EZR: variants seen among roughly 807,000 people sequenced by gnomAD.
EZR encodes ezrin.
In EZR, 40 loss-of-function variants were observed where a neutral mutation model predicts 74.8. The ratio of observed to expected loss-of-function variants is 0.53; its 90% CI spans 0.42 to 0.70. The LOEUF (loss-of-function observed/expected upper bound fraction) is 0.70, where lower values mean the gene tolerates loss of function less well. Among genes scored for constraint, EZR ranks in the 30% least tolerant of loss-of-function variants. The pLI, the probability that EZR is intolerant of heterozygous loss-of-function variation, is 0.00. For synonymous variants in EZR, 341 were observed against 283.3 expected (o/e 1.20, Z -2.05); for missense variants, 678 against 755.8 (o/e 0.90, Z 1.21).
chr6:158,773,063 T>C (rs1325818527), intron 8 of EZR, among the ~76,000 whole-genome samples: 1 of 152,172 alleles, frequency 6.6e-6, no homozygotes, highest in Non-Finnish European at 1.5e-5. Flanking sequence ...TCGGCATTTT[T>C]ATGACCCACC....
At chr6:158,780,752 T>A (rs1791413807) in intron 7 of EZR, among the ~76,000 whole-genome samples, 1 of 152,172 alleles carries the variant, frequency 6.6e-6, no homozygotes, top group Non-Finnish European at 1.5e-5. Flanking sequence ...AGTTTTTGTT[T>A]TTGGTCCGAG....
At position 158,766,861 on chromosome 6, in the gene EZR, G is replaced by T; in HGVS notation, c.*53C>A. ...AGCACTAAAGACACAAGCGTGGCGG[G>T]GCTGGCAGCGCCCGCTATGAGCACC... On this transcript the variant is annotated 3_prime_UTR_variant, in exon 14 of 14. Transcript: ENST00000367075. 1.3e-6 allele frequency: 2 copies of T among 1,549,374 alleles called. No individual in the cohort carries two copies. The highest frequency in any genetic ancestry group is 1.8e-6 in the Non-Finnish European group (2 of 1,130,946).
At chr6:158,814,408 A>T (rs940911805) in intron 2 of EZR, among the ~76,000 whole-genome samples, 7 of 148,386 alleles carry the variant, frequency 4.7e-5, no homozygotes, top group Non-Finnish European at 9.0e-5. Context: ...GCTCTTTCCC[A>T]GTCTGACAGC....
Position 158,787,217 on chromosome 6 carries a change from A to AGG in EZR, c.97-15_97-14insCC, listed in dbSNP as rs752986636. 6.2e-7 allele frequency: 1 copy of AGG among 1,607,232 alleles called. No individual in the cohort carries two copies. The highest frequency in any genetic ancestry group is 1.1e-5 in the South Asian group (1 of 90,930). ...AGTCTTTACCACCTGCGTGAGAGAGAGAGAGGCTCAACACTCATGAGAAAC... is the reference window on the plus strand; with the variant it reads ...AGTCTTTACCACCTGCGTGAGAGAGAGGGAGAGGCTCAACACTCATGAGAAAC... On this transcript the variant is annotated splice_polypyrimidine_tract_variant and intron_variant, in intron 3 of 13. Transcript: ENST00000367075.
chr6:158,815,680 T>C (rs1387781853), intron 2 of EZR, among the ~76,000 whole-genome samples: 1 of 152,172 alleles, frequency 6.6e-6, no homozygotes, highest in East Asian at 1.9e-4. Context: ...CAGGCAAGTC[T>C]CGAACTCCTG....
At chr6:158,779,541 G>A (rs1449320574) in intron 7 of EZR, among the ~76,000 whole-genome samples, 5 of 152,218 alleles carry the variant, frequency 3.3e-5, no homozygotes, top group African/African-American at 7.2e-5. Context: ...ACTATTTTTA[G>A]AATCTTTTTA....
At chr6:158,799,126 A>AC (rs1350380299) in intron 2 of EZR, among the ~76,000 whole-genome samples, 1 of 151,916 alleles carries the variant, frequency 6.6e-6, no homozygotes, top group Non-Finnish European at 1.5e-5. Flanking sequence ...CCTGGCTCAC[A>AC]CCCCTTTGAA....
At chr6:158,807,835 G>A (rs1777376823) in intron 2 of EZR, among the ~76,000 whole-genome samples, 1 of 152,132 alleles carries the variant, frequency 6.6e-6, no homozygotes, top group Non-Finnish European at 1.5e-5. Flanking sequence ...ACTCCAAACA[G>A]AAAGCCCATT....
At chr6:158,779,460 ATT>A (rs1418099296) in intron 7 of EZR, among the ~76,000 whole-genome samples, 1 of 152,190 alleles carries the variant, frequency 6.6e-6, no homozygotes, top group Non-Finnish European at 1.5e-5. Context: ...TTATCTTGGT[ATT>A]TGGACTACGG....
rs565621752 is a variant in EZR at position 158,816,643 on chromosome 6, A to G, written c.12+1439T>C. ...AATTAAAAAGAAAAATTTTGTATAGAAAATACTCTGCATCACAAATGAATC... is the reference window on the plus strand; with the variant it reads ...AATTAAAAAGAAAAATTTTGTATAGGAAATACTCTGCATCACAAATGAATC... On this transcript the variant is annotated intron_variant, in intron 2 of 13. Coordinates refer to ENST00000367075, the MANE Select transcript of EZR (RefSeq NM_001111077.2). Among the ~76,000 whole-genome samples the G allele has an allele frequency of 2.0e-5, 3 of 152,346 alleles. No individual in the cohort carries two copies. The East Asian group carries it at 5.8e-4, about 29-fold the overall frequency.
intron 2 of EZR, among the ~76,000 whole-genome samples, chr6:158,795,250 G>A (rs1330392441): frequency 4.6e-5 from 7 of 151,566 alleles, no homozygotes; most frequent in Admixed American, 6.6e-5. Flanking sequence ...AGACTCCATC[G>A]CAAAAAATAA....
rs145976670 is a variant in EZR, at chr6:158,769,544, C to A, written c.1252-126G>T. ...GACACCTGAGTCCCCGCCACCCCCA[C>A]TCCATGGCCAGCAGGGTCCATTGTG... On this transcript the variant is annotated intron_variant, in intron 11 of 13. Coordinates refer to ENST00000367075, the MANE Select transcript of EZR (RefSeq NM_001111077.2). The A allele has an allele frequency of 1.0e-3, 1,085 of 1,063,798 alleles. 7 individuals are homozygous for A. In the African/African-American group the frequency reaches 0.014, roughly 14 times the overall value. 65.9% of individuals were successfully genotyped at this position (1,063,798 alleles called of 1,614,324 possible).
intron 2 of EZR, among the ~76,000 whole-genome samples, chr6:158,797,744 G>A (rs1305475075): frequency 6.6e-6 from 1 of 152,114 alleles, no homozygotes; most frequent in Non-Finnish European, 1.5e-5. Context: ...AGCTATTTTG[G>A]TTCACTTAAT....
chr6:158,782,950 G>A (rs1791472187), intron 7 of EZR, among the ~76,000 whole-genome samples: 2 of 152,228 alleles, frequency 1.3e-5, no homozygotes, highest in Admixed American at 1.3e-4. Context: ...TCCCTGTGGA[G>A]AGGCCTGGCT....
chr6:158,795,689 T>C (rs548232844), intron 2 of EZR, among the ~76,000 whole-genome samples: 2 of 152,344 alleles, frequency 1.3e-5, no homozygotes, highest in Admixed American at 1.3e-4. Context: ...TTAATGAAGA[T>C]GGGTGTGCCT....
Position 158,774,671 on chromosome 6 carries a change from AAACACACACAC to A in EZR, c.795+1726_795+1736del, listed in dbSNP as rs1562491977. ...CTTTTCAAGAGATGGACTTATCATC[AAACACACACAC>A]ACACACACACACACACACACACACA... On this transcript the variant is annotated intron_variant, in intron 8 of 13. Transcript: ENST00000367075. Among the ~76,000 whole-genome samples, 195 of 70,056 alleles carry A rather than the reference AAACACACACAC, an allele frequency of 2.8e-3. 1 individual carries two copies. In the South Asian group the frequency reaches 0.066, roughly 24 times the overall value. 46.0% of individuals were successfully genotyped at this position (70,056 alleles called of 152,430 possible).
intron 2 of EZR, among the ~76,000 whole-genome samples, chr6:158,799,011 T>C (rs1777135961): frequency 6.6e-6 from 1 of 152,192 alleles, no homozygotes; most frequent in South Asian, 2.1e-4. Context: ...CTTTCTATTT[T>C]AGACTTTCTT....
chr6:158,785,741 G>A (rs1791563059), intron 4 of EZR, among the ~76,000 whole-genome samples, 158 bp from the exon 5 acceptor site: 1 of 152,192 alleles, frequency 6.6e-6, no homozygotes, highest in Non-Finnish European at 1.5e-5. Flanking sequence ...GACAAAAAAA[G>A]GTTAGTCAAA....
rs573117424 is a variant in EZR, at chr6:158,769,998, G to A, written c.1091-54C>T. The A allele has an allele frequency of 6.3e-6, 10 of 1,588,364 alleles. No individual in the cohort carries two copies. The Admixed American group carries it at 1.2e-4, about 19-fold the overall frequency. ...AAACCCTCAGCCCAGGGACCTAGGA[G>A]CCCTCGCTTTCCATTCCCACCCCCA... On this transcript the variant is annotated intron_variant, in intron 10 of 13. Coordinates refer to ENST00000367075, the MANE Select transcript of EZR (RefSeq NM_001111077.2).
Sources: gnomAD v4.1 joint callset for allele counts (sites outside exome capture counted in the v4.1 genomes callset) on GRCh38, gnomAD v4.1.1 for gene constraint, MANE v1.5 for transcripts, NCBI Gene and HGNC (gene_info 2026-07-23, HGNC 2026-07-21) for gene names.